Variants in ACSL6 observed in about 807,000 individuals in gnomAD.
ACSL6 encodes long-chain-fatty-acid--CoA ligase 6.
Under a neutral mutation model 98.2 loss-of-function variants are expected in ACSL6, and 47 were observed. The observed-to-expected ratio is 0.48, with a 90% confidence interval of 0.38 to 0.61. The LOEUF is 0.61. ACSL6 is among the 20% of genes least tolerant of loss of function. ACSL6 has a pLI of 0.00. For missense variants in ACSL6, 761 were observed against 913.4 expected, an observed-to-expected ratio of 0.83 and a Z score of 2.15; for synonymous variants, 362 against 336.9, an observed-to-expected ratio of 1.07 and a Z score of -0.82.
At chr5:131,959,704 T>G in intron 19 of ACSL6, 97 bp from the exon 20 acceptor site, 1 of 1,117,394 alleles carries the variant, frequency 8.9e-7, no homozygotes, top group African/African-American at 1.5e-5. Flanking sequence ...AACTGATGAT[T>G]GTGCCAACAT....
At position 131,967,975 on chromosome 5, in the gene ACSL6, C is replaced by T; in HGVS notation, c.1561G>A (p.Glu521Lys). 6.2e-7 allele frequency: 1 copy of T among 1,614,060 alleles called. No homozygotes were observed. The highest frequency in any genetic ancestry group is 8.5e-7 in the Non-Finnish European group (1 of 1,179,964). ...CNHIKLVDVE[E>K]LNYWACKGEG... Reference sequence around the variant, plus strand: ...CCTTTGCAGGCCCAGTAGTTCAGTTCCTCAACATCAACGAGCTTGATATGA... The same window carrying T: ...CCTTTGCAGGCCCAGTAGTTCAGTTTCTCAACATCAACGAGCTTGATATGA... The change falls in exon 16 of 21, where the codon GAA becomes AAA. Residue 521 changes from glutamate (E) to lysine (K), a missense_variant. Coordinates refer to ENST00000651883, the MANE Select transcript of ACSL6 (RefSeq NM_001009185.3).
At chr5:131,987,149 G>A (rs2126885158) in intron 7 of ACSL6, among the ~76,000 whole-genome samples, 1 of 152,286 alleles carries the variant, frequency 6.6e-6, no homozygotes, top group South Asian at 2.1e-4. Context: ...TGAGGCTCCT[G>A]GGAGACAGGG....
At chr5:131,957,021 C>T (rs1304095898) in intron 20 of ACSL6, among the ~76,000 whole-genome samples, 1 of 152,038 alleles carries the variant, frequency 6.6e-6, no homozygotes, top group Non-Finnish European at 1.5e-5. Context: ...AATAAAATTC[C>T]TCAAAATTGT....
chr5:131,961,305 G>A (rs905234058), intron 18 of ACSL6, among the ~76,000 whole-genome samples: 2 of 152,000 alleles, frequency 1.3e-5, no homozygotes, highest in South Asian at 2.1e-4. Context: ...GATTACAGGC[G>A]TGAACCACCA....
chr5:132,004,422 G>A (rs1418664176), intron 1 of ACSL6, among the ~76,000 whole-genome samples: 1 of 152,138 alleles, frequency 6.6e-6, no homozygotes, highest in East Asian at 1.9e-4. Context: ...AGGACATCTA[G>A]GACAAAACCA....
rs754985632 is a variant in ACSL6, at chr5:131,972,845, G to C, written c.1217C>G (p.Ala406Gly). 13 of 1,614,080 alleles carry C rather than the reference G, an allele frequency of 8.1e-6. No individual in the cohort carries two copies. The highest frequency in any genetic ancestry group is 1.6e-4 in the Middle Eastern group (1 of 6,084). Reference sequence around the variant, plus strand: ...GAGCCAGCGCTTTAATGGTGTGTTTGCCTGGCTGAAGATCTGAGGAACATA... The same window carrying C: ...GAGCCAGCGCTTTAATGGTGTGTTTCCCTGGCTGAAGATCTGAGGAACATA... ...NRMYDKIFSQ[A>G]NTPLKRWLLE... The change falls in exon 13 of 21, where the codon GCA becomes GGA. Residue 406 changes from alanine to glycine, a missense_variant. Ala to Gly is a moderately conservative substitution (Grantham distance 60). Transcript: ENST00000651883.
intron 16 of ACSL6, 96 bp from the exon 17 acceptor site, chr5:131,966,628 C>T (rs1753029365): frequency 2.8e-6 from 3 of 1,074,338 alleles, no homozygotes; most frequent in Non-Finnish European, 4.3e-6. Context: ...GTGCACTACC[C>T]ATCAGGAAAG....
intron 11 of ACSL6, 124 bp downstream of exon 11, chr5:131,974,769 G>A (rs766000259): frequency 9.9e-6 from 16 of 1,609,474 alleles, no homozygotes; most frequent in African/African-American, 2.7e-5. Flanking sequence ...TGCACCATTC[G>A]CTCAAACATG....
chr5:131,966,273 A>G (rs1251895852), intron 17 of ACSL6, 143 bp downstream of exon 17: 7 of 733,952 alleles, frequency 9.5e-6, no homozygotes, highest in Non-Finnish European at 1.6e-5. Flanking sequence ...CAGGGAAGGA[A>G]GAGCCTCCCC....
At chr5:131,988,489 G>A in intron 6 of ACSL6, 1 of 1,576,376 alleles carries the variant, frequency 6.3e-7, no homozygotes, top group Middle Eastern at 1.7e-4. Flanking sequence ...ATCATCCCAG[G>A]TCTGTTTGAG....
In ACSL6 at chr5:131,975,551, G is replaced by A; in HGVS notation, c.991-581C>T. On this transcript the variant is annotated intron_variant, in intron 10 of 20. Transcript: ENST00000651883. Reference sequence around the variant, plus strand: ...GGCTGGGGTATGAGCCCCAGCCAGAGGAGGAGACAAGGCCAAACCCCAAAC... The same window carrying A: ...GGCTGGGGTATGAGCCCCAGCCAGAAGAGGAGACAAGGCCAAACCCCAAAC... 4.1e-6 allele frequency: 4 copies of A among 985,346 alleles called. No homozygotes were observed. In the South Asian group the frequency reaches 1.9e-4, roughly 46 times the overall value. The allele number at this position is 985,346 out of a possible 1,614,324, so 61.0% of individuals were successfully genotyped here.
chr5:131,997,387 T>C (rs754540776), intron 1 of ACSL6, among the ~76,000 whole-genome samples: 10 of 152,298 alleles, frequency 6.6e-5, no homozygotes, highest in African/African-American at 1.2e-4. Context: ...CAGCCCCTCA[T>C]GTGGTATGGC....
chr5:131,988,477 C>T, intron 6 of ACSL6: 4 of 1,551,548 alleles, frequency 2.6e-6, no homozygotes, highest in Non-Finnish European at 3.5e-6. Flanking sequence ...GGCTCTGCCC[C>T]CATCATCCCA....
chr5:132,004,051 G>A (rs1470468084), intron 1 of ACSL6, among the ~76,000 whole-genome samples: 3 of 152,142 alleles, frequency 2.0e-5, no homozygotes, highest in Non-Finnish European at 2.9e-5. Context: ...TTCAATAATG[G>A]AGGGCACGTG....
Position 131,988,039 on chromosome 5 carries a change from G to T in ACSL6, c.831+9C>A. ...TAGCCCAGCAAACCGCCCAGAAGCA[G>T]ACCCTCACCTCCACGGCCTGCATGG... On this transcript the variant is annotated intron_variant, in intron 7 of 20. Coordinates refer to ENST00000651883, the MANE Select transcript of ACSL6 (RefSeq NM_001009185.3). The T allele has an allele frequency of 6.2e-7, 1 of 1,612,694 alleles. No individual in the cohort carries two copies. Among genetic ancestry groups the T allele is most frequent in the Non-Finnish European group, 8.5e-7 (1 of 1,179,018 alleles).
At position 132,005,048 on chromosome 5, in the gene ACSL6, A is replaced by G. The variant is rs183844215; in HGVS notation, c.49+6457T>C. Among the ~76,000 whole-genome samples the G allele has an allele frequency of 6.7e-3, 1,013 of 152,284 alleles. 13 individuals are homozygous for G. Among genetic ancestry groups the G allele is most frequent in the African/African-American group, 0.022 (900 of 41,556 alleles). ...GCACCTGTAATCCCAGCTACATGGG[A>G]GGCTGAGGCAGGAGAATCACTTGAA... On this transcript the variant is annotated intron_variant, in intron 1 of 20. Transcript: ENST00000651883.
intron 9 of ACSL6, chr5:131,984,651 T>C (rs540890637): frequency 1.3e-5 from 2 of 153,004 alleles, no homozygotes; most frequent in African/African-American, 4.8e-5. Context: ...CAGCATGCTA[T>C]AGAAATGCAG....
rs903356929 is a variant in ACSL6 at position 131,951,009 on chromosome 5, C to T, written c.*3225G>A. The T allele has an allele frequency of 3.6e-5, 7 of 195,834 alleles. No individual in the cohort carries two copies. The highest frequency in any genetic ancestry group is 8.1e-5 in the East Asian group (1 of 12,392). 12.1% of individuals were successfully genotyped at this position (195,834 alleles called of 1,614,324 possible). A position where few individuals can be genotyped will look rare whatever the true frequency, so the allele number is the denominator to read the frequency against. ...TACACACTATACCTGACCAGAGTCCCGTCTCTCATTTGCAAGGGAAGTCTC... is the reference window on the plus strand; with the variant it reads ...TACACACTATACCTGACCAGAGTCCTGTCTCTCATTTGCAAGGGAAGTCTC... On this transcript the variant is annotated 3_prime_UTR_variant, in exon 21 of 21. Coordinates refer to ENST00000651883, the MANE Select transcript of ACSL6 (RefSeq NM_001009185.3).
intron 20 of ACSL6, among the ~76,000 whole-genome samples, chr5:131,959,118 C>T (rs1752568806): frequency 1.3e-5 from 2 of 152,060 alleles, no homozygotes; most frequent in South Asian, 2.1e-4. Context: ...GCTGGGCTGA[C>T]AGATCACTGG....
Sources: allele counts gnomAD v4.1 joint callset (sites outside exome capture counted in the v4.1 genomes callset), GRCh38; gene constraint gnomAD v4.1.1; transcripts MANE v1.5; gene names NCBI Gene and HGNC (gene_info 2026-07-23, HGNC 2026-07-21).